CDK14: variants seen among roughly 807,000 people sequenced by gnomAD.
The protein encoded by CDK14 is cyclin dependent kinase 14, also known as cyclin-dependent kinase 14.
Under a neutral mutation model 60.7 loss-of-function variants are expected in CDK14, and 34 were observed. The observed-to-expected ratio is 0.56, with a 90% confidence interval of 0.43 to 0.75. CDK14 has a LOEUF of 0.75. Ranked by LOEUF, CDK14 falls within the 30% of genes least tolerant of loss-of-function variation. The pLI is 0.00. For synonymous variants in CDK14, 197 were observed against 203.7 expected, an observed-to-expected ratio of 0.97 and a Z score of 0.28; for missense variants, 482 against 564.1, an observed-to-expected ratio of 0.85 and a Z score of 1.47.
chr7:91,071,144 A>G (rs1172068100), intron 11 of CDK14, among the ~76,000 whole-genome samples: 1 of 152,224 alleles, frequency 6.6e-6, no homozygotes, highest in Non-Finnish European at 1.5e-5. Context: ...AATAATAAGT[A>G]GGAGAAAAAT....
intron 2 of CDK14, among the ~76,000 whole-genome samples, chr7:90,692,419 A>G (rs1486929888): frequency 6.6e-6 from 1 of 152,212 alleles, no homozygotes; most frequent in African/African-American, 2.4e-5. Flanking sequence ...TGTGTTAATT[A>G]AAGAATTAGC....
chr7:90,659,875 C>CTCTCTGTG (rs1235758434), intron 2 of CDK14, among the ~76,000 whole-genome samples: 10 of 128,976 alleles, frequency 7.8e-5, no homozygotes, highest in Admixed American at 1.6e-4. Flanking sequence ...CTCTCTCTCT[C>CTCTCTGTG]TGTGTGTGTG....
chr7:90,921,875 T>C (rs1793262682), intron 8 of CDK14, among the ~76,000 whole-genome samples: 1 of 152,186 alleles, frequency 6.6e-6, no homozygotes, highest in Non-Finnish European at 1.5e-5. Context: ...CTTGTCTAAA[T>C]TTGAGAGAGG....
chr7:90,711,842 A>C (rs137997755), intron 2 of CDK14, among the ~76,000 whole-genome samples: 15 of 150,418 alleles, frequency 1.0e-4, no homozygotes, highest in African/African-American at 3.7e-4. Context: ...GGTGAGTAAA[A>C]CAGATCTAGT....
intron 11 of CDK14, among the ~76,000 whole-genome samples, chr7:91,070,095 C>T (rs919755102): frequency 6.6e-6 from 1 of 152,312 alleles, no homozygotes. Context: ...CCACACCCAG[C>T]CTGTGTATTG....
chr7:91,196,247 T>A (rs1354747329), intron 14 of CDK14, among the ~76,000 whole-genome samples: 1 of 152,200 alleles, frequency 6.6e-6, no homozygotes, highest in Non-Finnish European at 1.5e-5. Context: ...CTATATCCTG[T>A]CGTGTAGATA....
intron 10 of CDK14, among the ~76,000 whole-genome samples, chr7:91,028,812 C>A (rs940492818): frequency 2.0e-5 from 3 of 151,708 alleles, no homozygotes; most frequent in Non-Finnish European, 2.9e-5. Flanking sequence ...TGCTGGCTGT[C>A]TTGTTGGAGT....
chr7:91,030,746 C>G (rs1796737840), intron 10 of CDK14, among the ~76,000 whole-genome samples: 1 of 152,216 alleles, frequency 6.6e-6, no homozygotes, highest in Non-Finnish European at 1.5e-5. Flanking sequence ...TTGACCATCC[C>G]TCACTCCTTC....
chr7:91,060,393 C>A (rs1225570917), intron 11 of CDK14, among the ~76,000 whole-genome samples: 1 of 152,076 alleles, frequency 6.6e-6, no homozygotes, highest in Non-Finnish European at 1.5e-5. Context: ...GCATCTAGCC[C>A]ATTTACATTT....
At chr7:91,169,883 C>G (rs1801460975) in intron 14 of CDK14, among the ~76,000 whole-genome samples, 1 of 152,194 alleles carries the variant, frequency 6.6e-6, no homozygotes, top group African/African-American at 2.4e-5. Flanking sequence ...CTACTCGGCC[C>G]AAATAGCATT....
chr7:90,624,986 A>G (rs963095668), intron 2 of CDK14, among the ~76,000 whole-genome samples: 11 of 152,202 alleles, frequency 7.2e-5, no homozygotes. Flanking sequence ...CTTAGCTCAT[A>G]GAGTTGATAG....
intron 10 of CDK14, among the ~76,000 whole-genome samples, chr7:91,003,100 A>G (rs1367595139): frequency 1.3e-5 from 2 of 152,164 alleles, no homozygotes; most frequent in Admixed American, 6.5e-5. Context: ...GATGCAATCT[A>G]TCTAAGTCAT....
At chr7:91,144,708 G>C (rs188604451) in intron 14 of CDK14, among the ~76,000 whole-genome samples, 1 of 152,250 alleles carries the variant, frequency 6.6e-6, no homozygotes, top group Admixed American at 6.5e-5. Flanking sequence ...TTTTGGCCAG[G>C]ATTTCTAAAG....
chr7:90,897,762 C>T (rs1313848141), intron 6 of CDK14, among the ~76,000 whole-genome samples: 2 of 151,974 alleles, frequency 1.3e-5, no homozygotes, highest in African/African-American at 4.8e-5. Flanking sequence ...CTCCATTGAA[C>T]CTATTTTAAT....
intron 10 of CDK14, among the ~76,000 whole-genome samples, chr7:91,006,017 T>C (rs1369155896): frequency 6.6e-6 from 1 of 152,196 alleles, no homozygotes; most frequent in East Asian, 1.9e-4. Flanking sequence ...CAGTGATGGC[T>C]CCAGGCTCAT....
At position 90,954,630 on chromosome 7, in the gene CDK14, T is replaced by TAGAGGGAAAAAAAAACAGACCTACAAATA. The variant is rs770504698; in HGVS notation, c.827-1067_827-1066insAGAGGGAAAAAAAAACAGACCTACAAATA. On this transcript the variant is annotated intron_variant, in intron 8 of 14. Transcript: ENST00000380050. ...GCCAAACTTTTTTCTTTTTTTTTTT[T>TAGAGGGAAAAAAAAACAGACCTACAAATA]TTTTTTTTTTTTGAGACGGAGTCTC... Among the ~76,000 whole-genome samples the TAGAGGGAAAAAAAAACAGACCTACAAATA allele has an allele frequency of 7.5e-3, 136 of 18,118 alleles. 7 individuals are homozygous for TAGAGGGAAAAAAAAACAGACCTACAAATA. The highest frequency in any genetic ancestry group is 0.013 in the South Asian group (6 of 464). The allele number at this position is 18,118 out of a possible 152,430, so 11.9% of individuals were successfully genotyped here. A position where few individuals can be genotyped will look rare whatever the true frequency, so the allele number is the denominator to read the frequency against.
At chr7:90,855,167 A>G (rs11976016) in intron 5 of CDK14, among the ~76,000 whole-genome samples, 1,657 of 152,346 alleles carry the variant, frequency 0.011, 26 homozygotes, top group African/African-American at 0.037. Flanking sequence ...GAAAAGAAAC[A>G]GATTTAACAT....
At chr7:90,788,061 T>C (rs1805672297) in intron 4 of CDK14, among the ~76,000 whole-genome samples, 1 of 152,154 alleles carries the variant, frequency 6.6e-6, no homozygotes, top group African/African-American at 2.4e-5. Context: ...TACAGAAGCA[T>C]GCGGTTCCTA....
At chr7:91,105,737 C>G (rs1799274262) in intron 12 of CDK14, among the ~76,000 whole-genome samples, 1 of 152,142 alleles carries the variant, frequency 6.6e-6, no homozygotes, top group Admixed American at 6.6e-5. Flanking sequence ...TTGAACTCTC[C>G]TGTCACCCAG....
Sources: gnomAD v4.1 joint callset for allele counts (sites outside exome capture counted in the v4.1 genomes callset) on GRCh38, gnomAD v4.1.1 for gene constraint, MANE v1.5 for transcripts, NCBI Gene and HGNC (gene_info 2026-07-23, HGNC 2026-07-21) for gene names.